The following FER1L6 variants were observed in gnomAD, a reference collection of about 807,000 sequenced individuals.
The protein encoded by FER1L6 is fer-1-like protein 6.
In FER1L6, 177 loss-of-function variants were observed where a neutral mutation model predicts 219.2. The ratio of observed to expected loss-of-function variants is 0.81; its 90% confidence interval spans 0.71 to 0.91. FER1L6 has a LOEUF of 0.91. Among genes scored for constraint, FER1L6 ranks in the 40% least tolerant of loss-of-function variants. The probability of loss-of-function intolerance (pLI) is 0.00; values close to 1 mark genes in which losing one functional copy is unlikely to be tolerated. For synonymous variants in FER1L6, 768 were observed against 824.3 expected (o/e 0.93, Z 1.17); for missense variants, 2,153 against 2,259.9 (o/e 0.95, Z 0.96).
intron 1 of FER1L6, among the ~76,000 whole-genome samples, chr8:123,906,269 A>G (rs1204355581): frequency 1.3e-5 from 2 of 151,976 alleles, no homozygotes; most frequent in African/African-American, 2.4e-5. Flanking sequence ...CAGCACCATA[A>G]CCTCTAGGGG....
intron 12 of FER1L6, among the ~76,000 whole-genome samples, chr8:124,002,824 A>G (rs2130501277): frequency 6.6e-6 from 1 of 151,972 alleles, no homozygotes; most frequent in South Asian, 2.1e-4. Flanking sequence ...ATTCTTTACC[A>G]ACATCTCTAT....
intron 1 of FER1L6, among the ~76,000 whole-genome samples, chr8:123,886,051 C>T (rs1232565244): frequency 6.6e-6 from 1 of 152,234 alleles, no homozygotes; most frequent in African/African-American, 2.4e-5. Context: ...TGCCTTGAGA[C>T]TGCGTTCGGA....
intron 23 of FER1L6, 43 bp downstream of exon 23, chr8:124,060,333 G>C: frequency 6.3e-7 from 1 of 1,580,910 alleles, no homozygotes; most frequent in Non-Finnish European, 8.7e-7. Flanking sequence ...TGGCACTCAA[G>C]GGCAGTGGCC....
intron 39 of FER1L6, among the ~76,000 whole-genome samples, chr8:124,108,084 G>A (rs112363772): frequency 1.3e-5 from 2 of 152,320 alleles, no homozygotes; most frequent in African/African-American, 4.8e-5. Context: ...CTGGGGCCAA[G>A]CACAGTGGCA....
At chr8:123,897,665 A>G (rs1001489701) in intron 1 of FER1L6, among the ~76,000 whole-genome samples, 16 of 152,232 alleles carry the variant, frequency 1.1e-4, no homozygotes, top group African/African-American at 3.6e-4. Flanking sequence ...TGTGCTGTTG[A>G]TAGGCCAGCC....
chr8:124,101,335 C>T lies in FER1L6; in HGVS notation c.5122C>T (p.Leu1708=). Reference sequence around the variant, plus strand: ...TGAAAGGCTGTCCTCAGATGACTTCCTGGGTAAGCCAGTGGCTTCATCAAG... The same window carrying T: ...TGAAAGGCTGTCCTCAGATGACTTCTTGGGTAAGCCAGTGGCTTCATCAAG... ...DFERLSSDDF[L]GTLEMNLNSF... The change falls in exon 38 of 41, where the codon CTG becomes TTG. Residue 1708 remains leucine (L), a synonymous_variant. Coordinates refer to ENST00000522917, the MANE Select transcript of FER1L6 (RefSeq NM_001039112.2). 1 of 1,611,500 alleles carries T rather than the reference C, an allele frequency of 6.2e-7. No homozygotes were observed. Among genetic ancestry groups the T allele is most frequent in the Non-Finnish European group, 8.5e-7 (1 of 1,177,966 alleles).
At chr8:124,076,420 G>A (rs1563784999) in intron 32 of FER1L6, 95 bp downstream of exon 32, 10 of 1,245,858 alleles carry the variant, frequency 8.0e-6, no homozygotes, top group Admixed American at 7.1e-5. Flanking sequence ...GTGTTCCTGG[G>A]TGAAATGGTT....
intron 1 of FER1L6, among the ~76,000 whole-genome samples, chr8:123,928,934 A>G (rs1813664972): frequency 6.6e-6 from 1 of 152,160 alleles, no homozygotes; most frequent in African/African-American, 2.4e-5. Context: ...AGGTGTTTTT[A>G]AGGGAAATGG....
chr8:124,018,458 T>A (rs1008859803), intron 16 of FER1L6, among the ~76,000 whole-genome samples: 1 of 152,200 alleles, frequency 6.6e-6, no homozygotes, highest in African/African-American at 2.4e-5. Context: ...TCCTCATCCA[T>A]CCTTCGTCCC....
chr8:124,030,968 A>G (rs1022687092), intron 18 of FER1L6, among the ~76,000 whole-genome samples: 1 of 152,146 alleles, frequency 6.6e-6, no homozygotes, highest in African/African-American at 2.4e-5. Flanking sequence ...ATTCTGTCTC[A>G]TGCAATATTT....
chr8:123,999,953 A>G (rs919825269), intron 12 of FER1L6, among the ~76,000 whole-genome samples: 6 of 152,170 alleles, frequency 3.9e-5, no homozygotes, highest in African/African-American at 1.2e-4. Context: ...TAGCACCAGG[A>G]CTTTTCCAGA....
chr8:124,101,220 A>C lies in FER1L6; in HGVS notation c.5007A>C (p.Gln1669His). Residue 1669 changes from glutamine (Q) to histidine (H), a missense_variant, in exon 38 of 41, where the codon CAA (glutamine) becomes CAC (histidine). Coordinates refer to ENST00000522917, the MANE Select transcript of FER1L6 (RefSeq NM_001039112.2). ...FPFQYLPAEKQMVITKRENIF... is the reference protein window; with the variant it reads ...FPFQYLPAEKHMVITKRENIF... ...TTCAGTATCTCCCAGCTGAGAAGCAAATGGTCATTACCAAGAGGGAGAACA... is the reference window on the plus strand; with the variant it reads ...TTCAGTATCTCCCAGCTGAGAAGCACATGGTCATTACCAAGAGGGAGAACA... 6.2e-7 allele frequency: 1 copy of C among 1,613,954 alleles called. No individual in the cohort carries two copies. The highest frequency in any genetic ancestry group is 8.5e-7 in the Non-Finnish European group (1 of 1,179,984).
chr8:123,906,350 C>T (rs1442806558), intron 1 of FER1L6, among the ~76,000 whole-genome samples: 7 of 152,078 alleles, frequency 4.6e-5, no homozygotes, highest in Admixed American at 4.6e-4. Context: ...TCCCACCCAA[C>T]CCACACTGTG....
chr8:124,030,855 C>A (rs1450893516), intron 18 of FER1L6, among the ~76,000 whole-genome samples: 3 of 152,144 alleles, frequency 2.0e-5, no homozygotes, highest in Admixed American at 1.3e-4. Flanking sequence ...CTCTCTCTCT[C>A]CTTCTCTCAC....
In FER1L6 at chr8:124,023,420, T is replaced by TCCCA. The variant is rs1818550930; in HGVS notation, c.2134-23_2134-20dup. Reference sequence around the variant, plus strand: ...CCTTTCAAATCCCATTCCTATTCAATCCCAACTCCCTCTATTCCCACAGCC... The same window carrying TCCCA: ...CCTTTCAAATCCCATTCCTATTCAATCCCACCCAACTCCCTCTATTCCCACAGCC... On this transcript the variant is annotated intron_variant, in intron 17 of 40. Transcript: ENST00000522917. 7.5e-6 allele frequency: 12 copies of TCCCA among 1,608,696 alleles called. No individual in the cohort carries two copies. The East Asian group carries it at 2.7e-4, about 36-fold the overall frequency.
chr8:124,033,616 A>G (rs922049618), intron 18 of FER1L6, among the ~76,000 whole-genome samples: 1 of 152,080 alleles, frequency 6.6e-6, no homozygotes, highest in African/African-American at 2.4e-5. Context: ...TCTAGCTCTT[A>G]TGCTTACTGG....
At chr8:124,034,771 A>G (rs75041701) in intron 18 of FER1L6, among the ~76,000 whole-genome samples, 2,261 of 152,300 alleles carry the variant, frequency 0.015, 118 homozygotes, top group East Asian at 0.14. Flanking sequence ...AGAGGTAAAA[A>G]GTCAGGTTGG....
chr8:124,097,760 C>T (rs751756202), intron 36 of FER1L6, 25 bp from the exon 37 acceptor site: 14 of 1,270,230 alleles, frequency 1.1e-5, no homozygotes, highest in Non-Finnish European at 1.6e-5. Context: ...GGTCATCGAC[C>T]TAATGCTTCC....
chr8:124,039,847 A>G (rs188157159), intron 19 of FER1L6, 35 bp from the exon 20 acceptor site: 5 of 1,613,630 alleles, frequency 3.1e-6, no homozygotes, highest in Middle Eastern at 1.7e-4. Context: ...TGAAAAGCCC[A>G]CTAACACCTG....
Sources: allele counts gnomAD v4.1 joint callset (sites outside exome capture counted in the v4.1 genomes callset), GRCh38; gene constraint gnomAD v4.1.1; transcripts MANE v1.5; gene names NCBI Gene and HGNC (gene_info 2026-07-23, HGNC 2026-07-21).